OSBPL2: variants seen among roughly 807,000 people sequenced by gnomAD.
The protein encoded by OSBPL2 is oxysterol binding protein like 2, also known as oxysterol-binding protein-related protein 2.
In OSBPL2, 18 loss-of-function variants were observed where a neutral mutation model predicts 58.4. That is an observed-to-expected ratio of 0.31 (90% CI 0.21 to 0.46). The LOEUF is 0.46. Ranked by LOEUF, OSBPL2 falls within the 20% of genes least tolerant of loss-of-function variation. The pLI is 1.00. For missense variants in OSBPL2, 461 were observed against 616.5 expected, an observed-to-expected ratio of 0.75 and a Z score of 2.67; for synonymous variants, 221 against 234.1, an observed-to-expected ratio of 0.94 and a Z score of 0.51.
chr20:62,249,820 C>A (rs896990443), intron 1 of OSBPL2, among the ~76,000 whole-genome samples: 1 of 152,096 alleles, frequency 6.6e-6, no homozygotes, highest in Non-Finnish European at 1.5e-5. Context: ...GTGATCCACC[C>A]GCCTCAGCCT....
At chr20:62,290,329 A>C (rs898765265) in intron 12 of OSBPL2, among the ~76,000 whole-genome samples, 1 of 151,130 alleles carries the variant, frequency 6.6e-6, no homozygotes, top group Admixed American at 6.6e-5. Context: ...TCAACCTCCC[A>C]GGTTCAAGCC....
Position 62,281,799 on chromosome 20 carries a change from T to G in OSBPL2, c.792T>G (p.His264Gln), listed in dbSNP as rs146042452. Residue 264 changes from histidine (H) to glutamine (Q), a missense_variant, in exon 9 of 14, where the codon CAT becomes CAG. His to Gln is a conservative substitution (Grantham distance 24). Transcript: ENST00000313733. ...TTTGTTTTTCTCACAGAACTGGACA[T>G]AAGTGTGTGCTTCACTTTAAACCGT... is the stretch of plus-strand genomic sequence containing the variant. ...TVEILNHRTG[H>Q]KCVLHFKPCG... 863 of 1,608,922 alleles carry G rather than the reference T, an allele frequency of 5.4e-4. 4 individuals carry two copies. In the African/African-American group the frequency reaches 9.6e-3, roughly 18 times the overall value.
chr20:62,290,218 G>A (rs990503915), intron 12 of OSBPL2, among the ~76,000 whole-genome samples: 7 of 152,184 alleles, frequency 4.6e-5, no homozygotes, highest in African/African-American at 2.4e-5. Context: ...AGTGTCCTGG[G>A]TTTTGAGTTA....
At chr20:62,248,884 A>G (rs568129050) in intron 1 of OSBPL2, among the ~76,000 whole-genome samples, 1 of 152,086 alleles carries the variant, frequency 6.6e-6, no homozygotes, top group African/African-American at 2.4e-5. Flanking sequence ...TTTTTTGTAC[A>G]GACAGTATCT....
At position 62,263,617 on chromosome 20, in the gene OSBPL2, A is replaced by T. The variant is rs1208138626; in HGVS notation, c.184A>T (p.Thr62Ser). 1 of 1,614,064 alleles carries T rather than the reference A, an allele frequency of 6.2e-7. No homozygotes were observed. ...ACGCACCCCTTTTGTGCTTCGCAGGACATCGCTGCCGGCTCCCATGTTCAG... is the reference window on the plus strand; with the variant it reads ...ACGCACCCCTTTTGTGCTTCGCAGGTCATCGCTGCCGGCTCCCATGTTCAG... ...SQENGIQKHR[T>S]SLPAPMFSRS... Residue 62 changes from threonine to serine, a missense_variant and splice_region_variant, in exon 4 of 14, where the codon ACA (threonine) becomes TCA (serine). Thr to Ser is a moderately conservative substitution (Grantham distance 58). This residue lies in a region of OSBPL2 where 80 missense variants were observed against 74.8 expected (regional missense o/e 1.07). Transcript: ENST00000313733.
intron 9 of OSBPL2, 62 bp from the exon 10 acceptor site, chr20:62,283,984 A>G: frequency 6.6e-7 from 1 of 1,511,642 alleles, no homozygotes; most frequent in South Asian, 1.2e-5. Flanking sequence ...AGGGTGCCAC[A>G]TGTTTAGACA....
chr20:62,294,115 A>T lies in OSBPL2; in HGVS notation c.*228A>T. The T allele has an allele frequency of 4.9e-6, 3 of 609,808 alleles. No homozygotes were observed. The highest frequency in any genetic ancestry group is 4.4e-5 in the South Asian group (2 of 44,952). The allele number at this position is 609,808 out of a possible 1,614,324, so 37.8% of individuals were successfully genotyped here. A position where few individuals can be genotyped will look rare whatever the true frequency, so the allele number is the denominator to read the frequency against. On this transcript the variant is annotated 3_prime_UTR_variant, in exon 14 of 14. Coordinates refer to ENST00000313733, the MANE Select transcript of OSBPL2 (RefSeq NM_144498.4). ...AGCTTCACTTGGGATCATCGTCTTC[A>T]TTAAGGTTTCAACAGGGAAATTCTT...
At chr20:62,248,155 C>CTTTTTTTTT (rs11470491) in intron 1 of OSBPL2, among the ~76,000 whole-genome samples, 8 of 118,850 alleles carry the variant, frequency 6.7e-5, no homozygotes, top group African/African-American at 9.6e-5. Flanking sequence ...CTTTTCTTTT[C>CTTTTTTTTT]TTTTTTTTTT....
chr20:62,244,794 G>A (rs6061465), intron 1 of OSBPL2, among the ~76,000 whole-genome samples: 149,977 of 152,330 alleles, frequency 0.98, 73,865 homozygotes, highest in East Asian at 1. Flanking sequence ...CAGTGGGAAG[G>A]TTTGCCACTC....
intron 6 of OSBPL2, among the ~76,000 whole-genome samples, chr20:62,275,118 G>C (rs567099230): frequency 6.6e-6 from 1 of 152,302 alleles, no homozygotes; most frequent in East Asian, 1.9e-4. Flanking sequence ...CGAGGCAGGA[G>C]CATCACTTGA....
chr20:62,291,665 G>C, intron 12 of OSBPL2, 38 bp from the exon 13 acceptor site: 1 of 1,583,646 alleles, frequency 6.3e-7, no homozygotes, highest in Non-Finnish European at 8.7e-7. Context: ...GCGGTTCTAA[G>C]GTCTCTGTCT....
At chr20:62,278,778 T>G (rs930061829) in intron 6 of OSBPL2, 2 of 213,832 alleles carry the variant, frequency 9.4e-6, no homozygotes, top group African/African-American at 5.0e-5. Flanking sequence ...GATGTCATGT[T>G]TGTGTGTGTG....
intron 2 of OSBPL2, 134 bp downstream of exon 2, chr20:62,256,355 A>G: frequency 1.4e-6 from 1 of 715,910 alleles, no homozygotes; most frequent in Non-Finnish European, 2.3e-6. Flanking sequence ...GATCCCAAAC[A>G]CGGACTGTTC....
chr20:62,242,284 C>G (rs964023757), intron 1 of OSBPL2: 1 of 152,226 alleles, frequency 6.6e-6, no homozygotes, highest in Non-Finnish European at 1.5e-5. Context: ...GCACTGTTTG[C>G]GTGAACTTTT....
intron 6 of OSBPL2, among the ~76,000 whole-genome samples, chr20:62,275,332 A>G (rs1353962044): frequency 6.6e-6 from 1 of 151,986 alleles, no homozygotes; most frequent in Non-Finnish European, 1.5e-5. Context: ...CTTTTTCTAA[A>G]TTAGAGTGTT....
At position 62,260,043 on chromosome 20, in the gene OSBPL2, A is replaced by G. The variant is rs917436743; in HGVS notation, c.100A>G (p.Ile34Val). ...SEANQKVTGM[I>V]DLDTSKNNRI... Reference sequence around the variant, plus strand: ...GGCAAATCAGAAAGTCACGGGAATGATTGACTTAGACACCAGCAAAAATAA... The same window carrying G: ...GGCAAATCAGAAAGTCACGGGAATGGTTGACTTAGACACCAGCAAAAATAA... The change falls in exon 3 of 14, where the codon ATT (isoleucine) becomes GTT (valine). Residue 34 changes from isoleucine to valine, a missense_variant. Ile to Val is a conservative substitution (Grantham distance 29, BLOSUM62 3). Transcript: ENST00000313733. 1.9e-6 allele frequency: 3 copies of G among 1,613,424 alleles called. No individual in the cohort carries two copies. The Admixed American group carries it at 5.0e-5, about 27-fold the overall frequency.
intron 4 of OSBPL2, among the ~76,000 whole-genome samples, chr20:62,267,267 G>A (rs1400209370): frequency 2.0e-5 from 3 of 152,154 alleles, no homozygotes; most frequent in African/African-American, 7.2e-5. Context: ...AAAGCTGTGG[G>A]CGCTCAGAGT....
At chr20:62,245,100 CTTTT>C (rs398040809) in intron 1 of OSBPL2, among the ~76,000 whole-genome samples, 1 of 143,626 alleles carries the variant, frequency 7.0e-6, no homozygotes, top group Non-Finnish European at 1.5e-5. Context: ...GAAATCTGTT[CTTTT>C]TTTTTTTTTT....
chr20:62,248,476 T>C (rs988885039), intron 1 of OSBPL2, among the ~76,000 whole-genome samples: 5 of 152,180 alleles, frequency 3.3e-5, no homozygotes, highest in Non-Finnish European at 7.3e-5. Context: ...GAACTTAGAA[T>C]TGATGTTTAA....
Sources: allele counts gnomAD v4.1 joint callset (sites outside exome capture counted in the v4.1 genomes callset), GRCh38; gene constraint gnomAD v4.1.1; regional missense constraint gnomAD v4.1.1; transcripts MANE v1.5; gene names NCBI Gene and HGNC (gene_info 2026-07-23, HGNC 2026-07-21).